Variants in RETREG1 observed in about 807,000 individuals in gnomAD.
RETREG1 encodes family with sequence similarity 134 member B.
RETREG1 carries 44 observed loss-of-function variants against 54.8 expected under a neutral mutation model. The observed-to-expected ratio is 0.80, with a 90% CI of 0.63 to 1.03. RETREG1 has a LOEUF of 1.03. Ranked by LOEUF, RETREG1 falls within the 50% of genes least tolerant of loss-of-function variation. RETREG1 has a pLI of 0.00. For synonymous variants in RETREG1, 217 were observed against 238.5 expected (o/e 0.91, Z 0.83); for missense variants, 554 against 605.1 (o/e 0.92, Z 0.89).
At chr5:16,609,878 A>G (rs928005226) in intron 1 of RETREG1, among the ~76,000 whole-genome samples, 13 of 152,212 alleles carry the variant, frequency 8.5e-5, no homozygotes, top group Admixed American at 4.6e-4. Context: ...CTTATGGAGA[A>G]GACAGCTCAC....
intron 3 of RETREG1, among the ~76,000 whole-genome samples, chr5:16,554,194 T>C (rs11960435): frequency 0.01 from 1,572 of 152,342 alleles, 31 homozygotes; most frequent in African/African-American, 0.035. Flanking sequence ...CTGTGAGACT[T>C]TGTGTCAAAA....
chr5:16,576,617 C>T (rs545508879), intron 1 of RETREG1, among the ~76,000 whole-genome samples: 2 of 152,304 alleles, frequency 1.3e-5, no homozygotes, highest in South Asian at 2.1e-4. Context: ...TCCCGAGTAG[C>T]TGGGATTACA....
intron 1 of RETREG1, 188 bp downstream of exon 1, chr5:16,616,464 C>T: frequency 1.9e-6 from 2 of 1,059,200 alleles, no homozygotes; most frequent in Non-Finnish European, 2.6e-6. Context: ...CTCACAGGGA[C>T]GTGCGTCCGG....
chr5:16,568,397 C>G (rs1220228249), intron 2 of RETREG1, among the ~76,000 whole-genome samples: 3 of 151,730 alleles, frequency 2.0e-5, no homozygotes, highest in African/African-American at 7.3e-5. Context: ...TCAGCCTCTT[C>G]AGTAGCTGGG....
chr5:16,523,935 CCTCCTCCAA>C (rs1740617751), intron 3 of RETREG1, among the ~76,000 whole-genome samples: 1 of 152,076 alleles, frequency 6.6e-6, no homozygotes, highest in African/African-American at 2.4e-5. Context: ...TCTGTTGATT[CCTCCTCCAA>C]CCCCAGGCGA....
At chr5:16,565,854 C>T in intron 2 of RETREG1, 61 bp from the exon 3 acceptor site, 1 of 1,558,686 alleles carries the variant, frequency 6.4e-7, no homozygotes. Context: ...TGAAATATTT[C>T]TCAACTCTGA....
chr5:16,608,817 T>C (rs1443039215), intron 1 of RETREG1, among the ~76,000 whole-genome samples: 1 of 152,220 alleles, frequency 6.6e-6, no homozygotes, highest in African/African-American at 2.4e-5. Context: ...TTCCCATTCA[T>C]GCAGAAGCAA....
intron 1 of RETREG1, among the ~76,000 whole-genome samples, chr5:16,580,267 A>G (rs1323311219): frequency 6.6e-6 from 1 of 152,172 alleles, no homozygotes; most frequent in African/African-American, 2.4e-5. Flanking sequence ...GTCACTCCCT[A>G]TTAGCAGAGT....
At chr5:16,520,955 C>A (rs1423865134) in intron 3 of RETREG1, among the ~76,000 whole-genome samples, 3 of 152,026 alleles carry the variant, frequency 2.0e-5, no homozygotes, top group African/African-American at 2.4e-5. Context: ...CTTAGGAAGG[C>A]CAGAGAAATA....
intron 3 of RETREG1, among the ~76,000 whole-genome samples, chr5:16,553,506 T>C (rs911710581): frequency 1.1e-4 from 17 of 151,994 alleles, no homozygotes; most frequent in African/African-American, 4.1e-4. Context: ...ACTTTGAATA[T>C]ATAAACATTT....
At chr5:16,541,218 T>C (rs1322798716) in intron 3 of RETREG1, among the ~76,000 whole-genome samples, 1 of 152,152 alleles carries the variant, frequency 6.6e-6, no homozygotes, top group Non-Finnish European at 1.5e-5. Flanking sequence ...AGGGCAGAAC[T>C]CACAACTGAC....
intron 7 of RETREG1, 92 bp downstream of exon 7, chr5:16,477,942 G>A (rs964115621): frequency 7.5e-7 from 1 of 1,328,228 alleles, no homozygotes; most frequent in Non-Finnish European, 1.1e-6. Context: ...GAAATATGAG[G>A]AGTTTATTAG....
At chr5:16,567,738 C>G (rs1223640133) in intron 2 of RETREG1, among the ~76,000 whole-genome samples, 1 of 152,080 alleles carries the variant, frequency 6.6e-6, no homozygotes, top group Non-Finnish European at 1.5e-5. Flanking sequence ...GGGGGGATCA[C>G]TTGAGGCCAG....
Position 16,594,764 on chromosome 5 carries a change from T to G in RETREG1, c.320+21888A>C, listed in dbSNP as rs748518454. On this transcript the variant is annotated intron_variant, in intron 1 of 8. Coordinates refer to ENST00000306320, the MANE Select transcript of RETREG1 (RefSeq NM_001034850.3). The surrounding 1 kb of genome is among the most constrained non-coding windows in gnomAD (Gnocchi z 4.4). The stretch of plus-strand genomic sequence containing the variant: ...ACACAACCACACAAAGCATTTTTCA[T>G]AGACTACCATCACAAACTGGCTAAA... Among the ~76,000 whole-genome samples the G allele has an allele frequency of 5.3e-5, 8 of 152,162 alleles. No homozygotes were observed. Among genetic ancestry groups the G allele is most frequent in the Non-Finnish European group, 1.0e-4 (7 of 68,012 alleles).
At chr5:16,610,941 A>G (rs1163716868) in intron 1 of RETREG1, among the ~76,000 whole-genome samples, 4 of 152,214 alleles carry the variant, frequency 2.6e-5, no homozygotes, top group South Asian at 2.1e-4. Flanking sequence ...ATGCTGCTAT[A>G]AAGACACATG....
chr5:16,541,432 G>A (rs1033941341), intron 3 of RETREG1, among the ~76,000 whole-genome samples: 5 of 152,190 alleles, frequency 3.3e-5, no homozygotes, highest in Non-Finnish European at 2.9e-5. Context: ...GCTCACGCCT[G>A]TAATCTCAGC....
In RETREG1 at chr5:16,602,860, T is replaced by C. The variant is rs1009611995; in HGVS notation, c.320+13792A>G. 8.4e-4 allele frequency among the ~76,000 whole-genome samples: 127 copies of C among 151,926 alleles called. 1 individual carries two copies. Among genetic ancestry groups the C allele is most frequent in the African/African-American group, 2.8e-3 (114 of 41,442 alleles). ...CCATCTCTGCTAAAAAATACAAAAT[T>C]ACCCGGGCCTGGTGGAGCATGCCTG... On this transcript the variant is annotated intron_variant, in intron 1 of 8. Coordinates refer to ENST00000306320, the MANE Select transcript of RETREG1 (RefSeq NM_001034850.3).
In RETREG1 at chr5:16,594,509, G is replaced by A. The variant is rs1215076108; in HGVS notation, c.320+22143C>T. Among the ~76,000 whole-genome samples the A allele has an allele frequency of 6.6e-6, 1 of 152,084 alleles. No homozygotes were observed. Among genetic ancestry groups the A allele is most frequent in the Non-Finnish European group, 1.5e-5 (1 of 68,016 alleles). On this transcript the variant is annotated intron_variant, in intron 1 of 8. Coordinates refer to ENST00000306320, the MANE Select transcript of RETREG1 (RefSeq NM_001034850.3). This position sits in a 1 kb window ranked among gnomAD's most constrained non-coding sequence, Gnocchi z 4.4. ...AGAGGCTGAGGCGGGTGGATCACCT[G>A]AACTCAGGAGATCAAGACCAGCCTC...
intron 3 of RETREG1, among the ~76,000 whole-genome samples, chr5:16,564,076 A>G (rs1741942985): frequency 6.6e-6 from 1 of 152,228 alleles, no homozygotes; most frequent in Admixed American, 6.5e-5. Flanking sequence ...ATACAACTGT[A>G]TTTATACAAC....
Sources: allele counts gnomAD v4.1 joint callset (sites outside exome capture counted in the v4.1 genomes callset), GRCh38; gene constraint gnomAD v4.1.1; non-coding constraint Gnocchi (gnomAD v3.1); transcripts MANE v1.5; gene names NCBI Gene and HGNC (gene_info 2026-07-23, HGNC 2026-07-21).